The following VPS13D variants were observed in gnomAD, a reference collection of about 807,000 sequenced individuals.
VPS13D encodes vacuolar protein sorting 13 homolog D, also known as intermembrane lipid transfer protein VPS13D.
VPS13D carries 187 observed loss-of-function variants against 461.9 expected under a neutral mutation model. The observed-to-expected ratio is 0.40, with a 90% CI of 0.36 to 0.46. VPS13D has a LOEUF of 0.46. Among genes scored for constraint, VPS13D ranks in the 20% least tolerant of loss-of-function variants. VPS13D has a pLI of 0.60. For missense variants in VPS13D, 4,711 were observed against 5,364.9 expected, an observed-to-expected ratio of 0.88 and a Z score of 3.81; for synonymous variants, 1,951 against 1,986.3, an observed-to-expected ratio of 0.98 and a Z score of 0.47.
At chr1:12,499,087 C>G (rs1019999338) in intron 68 of VPS13D, among the ~76,000 whole-genome samples, 1 of 152,062 alleles carries the variant, frequency 6.6e-6, no homozygotes, top group East Asian at 1.9e-4. Context: ...ACCATGACTG[C>G]TCTTGATATT....
At chr1:12,270,909 C>A in intron 16 of VPS13D, 85 bp from the exon 17 acceptor site, 2 of 1,500,866 alleles carry the variant, frequency 1.3e-6, no homozygotes, top group South Asian at 2.5e-5. Flanking sequence ...CTTTGATGGA[C>A]ATTCTTGGTG....
At chr1:12,309,894 C>A (rs1429998490) in intron 27 of VPS13D, among the ~76,000 whole-genome samples, 1 of 151,778 alleles carries the variant, frequency 6.6e-6, no homozygotes, top group Non-Finnish European at 1.5e-5. Flanking sequence ...TTTTTAGTTT[C>A]TTTCTGGATT....
At chr1:12,489,453 TTTC>T (rs1177099832) in intron 67 of VPS13D, among the ~76,000 whole-genome samples, 3 of 152,354 alleles carry the variant, frequency 2.0e-5, no homozygotes, top group Non-Finnish European at 4.4e-5. Context: ...AATCAACATC[TTTC>T]TTACATTTTC....
chr1:12,415,168 C>T lies in VPS13D; in HGVS notation c.12112C>T (p.Pro4038Ser). Reference sequence around the variant, plus strand: ...TCTAGATCCATTCACTCGGGTACATCCCTATGAGACCAAGGAGTTCATCAT... The same window carrying T: ...TCTAGATCCATTCACTCGGGTACATTCCTATGAGACCAAGGAGTTCATCAT... ...INLDPFTRVH[P>S]YETKEFIIND... The change falls in exon 64 of 70, where the codon CCC becomes TCC. Residue 4038 changes from proline (P) to serine (S), a missense_variant. Physicochemically the swap from Pro to Ser is moderately conservative, Grantham distance 74 (BLOSUM62 -1). Transcript: ENST00000620676. 1 of 1,614,082 alleles carries T rather than the reference C, an allele frequency of 6.2e-7. No individual in the cohort carries two copies.
rs1351544876 is a variant in VPS13D, at chr1:12,333,291, C to T, written c.8353C>T (p.Leu2785Phe). The change falls in exon 38 of 70, where the codon CTC (leucine) becomes TTC (phenylalanine). Residue 2785 changes from leucine (L) to phenylalanine (F), a missense_variant. By Grantham distance (22) the Leu-to-Phe change is conservative. Around this residue, in one of 3 missense-constraint regions of VPS13D, gnomAD observed 4,411 missense variants for 4,937.8 expected, o/e 0.89. Coordinates refer to ENST00000620676, the MANE Select transcript of VPS13D (RefSeq NM_015378.4). ...CTGGCAACAGCAGGCAGCTAGTCGTCTCCATCCTCCTCGACTGAAGCTAGA... is the reference window on the plus strand; with the variant it reads ...CTGGCAACAGCAGGCAGCTAGTCGTTTCCATCCTCCTCGACTGAAGCTAGA... ...VSWQQQAASRLHPPRLKLEAK... is the reference protein window; with the variant it reads ...VSWQQQAASRFHPPRLKLEAK... 2 of 1,614,060 alleles carry T rather than the reference C, an allele frequency of 1.2e-6. No homozygotes were observed. The highest frequency in any genetic ancestry group is 2.2e-5 in the East Asian group (1 of 44,894).
intron 35 of VPS13D, among the ~76,000 whole-genome samples, chr1:12,325,128 G>A (rs935378368): frequency 2.0e-5 from 3 of 152,056 alleles, no homozygotes; most frequent in Non-Finnish European, 4.4e-5. Context: ...CTGTTGCCCA[G>A]GCTGGAATGC....
chr1:12,352,149 G>A (rs928829559), intron 46 of VPS13D, among the ~76,000 whole-genome samples: 4 of 151,858 alleles, frequency 2.6e-5, no homozygotes, highest in Non-Finnish European at 5.9e-5. Flanking sequence ...AAATTAGCCA[G>A]ACATGGTGGT....
chr1:12,281,166 C>A (rs564744611), intron 20 of VPS13D, among the ~76,000 whole-genome samples: 1 of 151,636 alleles, frequency 6.6e-6, no homozygotes, highest in Non-Finnish European at 1.5e-5. Flanking sequence ...GGTGCTTCTT[C>A]TTACATAACC....
intron 65 of VPS13D, among the ~76,000 whole-genome samples, chr1:12,427,937 C>T (rs1441475774): frequency 1.3e-5 from 2 of 152,192 alleles, no homozygotes; most frequent in African/African-American, 4.8e-5. Context: ...AGGCTTGTTG[C>T]ACTGTTCATT....
intron 63 of VPS13D, among the ~76,000 whole-genome samples, chr1:12,407,962 A>G (rs1223198096): frequency 2.0e-5 from 3 of 152,188 alleles, no homozygotes; most frequent in African/African-American, 4.8e-5. Flanking sequence ...AGTATTGGCA[A>G]AACAGAGTGC....
At position 12,282,916 on chromosome 1, in the gene VPS13D, AGTCATT is replaced by A. The variant is rs1206204435; in HGVS notation, c.4819_4824del (p.Leu1607_Ser1608del). 1 of 1,614,184 alleles carries A rather than the reference AGTCATT, an allele frequency of 6.2e-7. No individual in the cohort carries two copies. The highest frequency in any genetic ancestry group is 1.7e-5 in the Admixed American group (1 of 60,020). On this transcript the variant is annotated inframe_deletion, in exon 21 of 70. Transcript: ENST00000620676. ...TCCAGCCTTTCTAACACCTCTCAGA[AGTCATT>A]GTCAGTGAAGGAAGTCAAATCCTTT... is the stretch of plus-strand genomic sequence containing the variant.
chr1:12,400,416 C>T, intron 61 of VPS13D, 86 bp downstream of exon 61: 2 of 1,507,082 alleles, frequency 1.3e-6, no homozygotes, highest in Middle Eastern at 2.0e-4. Context: ...AGCAGCAGTG[C>T]CGGGTGCTGA....
chr1:12,416,804 G>A lies in VPS13D; in HGVS notation c.12310G>A (p.Gly4104Arg). 1.2e-6 allele frequency: 2 copies of A among 1,612,532 alleles called. No individual in the cohort carries two copies. Among genetic ancestry groups the A allele is most frequent in the Non-Finnish European group, 1.7e-6 (2 of 1,179,518 alleles). The change falls in exon 65 of 70, where the codon GGA becomes AGA. Residue 4104 changes from glycine (G) to arginine (R), a missense_variant. Gly to Arg is a moderately radical substitution (Grantham distance 125, BLOSUM62 -2). This residue lies in a region of VPS13D where 106 missense variants were observed against 206.2 expected (regional missense o/e 0.51). Transcript: ENST00000620676. ...GGGCCTCATCAGAAATGTTACACACGGAGTATCAAACTCTGCTGCCAAGGT... is the reference window on the plus strand; with the variant it reads ...GGGCCTCATCAGAAATGTTACACACAGAGTATCAAACTCTGCTGCCAAGGT... ...VGGLIRNVTHGVSNSAAKFAG... is the reference protein window; with the variant it reads ...VGGLIRNVTHRVSNSAAKFAG...
At chr1:12,333,406 G>T in intron 38 of VPS13D, 40 bp downstream of exon 38, 1 of 1,607,042 alleles carries the variant, frequency 6.2e-7, no homozygotes, top group Non-Finnish European at 8.5e-7. Flanking sequence ...ATACCTTTCC[G>T]TACCTAAGTT....
At chr1:12,446,540 C>G (rs1372898240) in intron 65 of VPS13D, among the ~76,000 whole-genome samples, 1 of 152,094 alleles carries the variant, frequency 6.6e-6, no homozygotes. Flanking sequence ...TGCTTTCTCT[C>G]TATAGTCCTC....
chr1:12,281,654 T>C (rs1037296498), intron 20 of VPS13D, among the ~76,000 whole-genome samples: 1 of 152,198 alleles, frequency 6.6e-6, no homozygotes, highest in Non-Finnish European at 1.5e-5. Context: ...CTCTTATTGA[T>C]GTTAAAGTGG....
In VPS13D at chr1:12,311,482, T is replaced by C. The variant is rs1557701832; in HGVS notation, c.6679T>C (p.Ser2227Pro). The stretch of plus-strand genomic sequence containing the variant: ...AATAAGTCATACTGTGCCAGACATA[T>C]CTATCCATGGCAATCTCTCCTCAGT... ...KEISHTVPDI[S>P]IHGNLSSVHC... The change falls in exon 28 of 70, where the codon TCT (serine) becomes CCT (proline). Residue 2227 changes from serine to proline, a missense_variant. Around this residue, in one of 3 missense-constraint regions of VPS13D, gnomAD observed 4,411 missense variants for 4,937.8 expected, o/e 0.89. Transcript: ENST00000620676. 1.2e-6 allele frequency: 2 copies of C among 1,613,902 alleles called. No homozygotes were observed. The highest frequency in any genetic ancestry group is 1.7e-6 in the Non-Finnish European group (2 of 1,179,950).
At chr1:12,446,575 T>G (rs1645195032) in intron 65 of VPS13D, among the ~76,000 whole-genome samples, 1 of 152,198 alleles carries the variant, frequency 6.6e-6, no homozygotes, top group South Asian at 2.1e-4. Flanking sequence ...CCTCTTTCTT[T>G]CCATATCCCC....
intron 68 of VPS13D, among the ~76,000 whole-genome samples, chr1:12,504,636 C>A (rs755595949): frequency 1.3e-5 from 2 of 152,198 alleles, no homozygotes; most frequent in Admixed American, 1.3e-4. Context: ...AGTCAGCCAG[C>A]GGGCCGGGCT....
Sources: gnomAD v4.1 joint callset for allele counts (sites outside exome capture counted in the v4.1 genomes callset) on GRCh38, gnomAD v4.1.1 for gene constraint, gnomAD v4.1.1 regional missense constraint, MANE v1.5 for transcripts, NCBI Gene and HGNC (gene_info 2026-07-23, HGNC 2026-07-21) for gene names.